KHDRBS2: variants seen among roughly 807,000 people sequenced by gnomAD.
The protein encoded by KHDRBS2 is KH RNA binding domain containing, signal transduction associated 2, also known as KH domain-containing, RNA-binding, signal transduction-associated protein 2.
In KHDRBS2, 26 loss-of-function variants were observed where a neutral mutation model predicts 44.3. The observed-to-expected ratio is 0.59, with a 90% CI of 0.43 to 0.81. KHDRBS2 has a LOEUF of 0.81. Ranked by LOEUF, KHDRBS2 falls within the 40% of genes least tolerant of loss-of-function variation. The probability of loss-of-function intolerance (pLI) is 0.00; values close to 1 mark genes in which losing one functional copy is unlikely to be tolerated. For missense variants in KHDRBS2, 476 were observed against 433.1 expected, an observed-to-expected ratio of 1.10 and a Z score of -0.88; for synonymous variants, 194 against 151.1, an observed-to-expected ratio of 1.28 and a Z score of -2.08.
the KHDRBS2 span, among the ~76,000 whole-genome samples, chr6:61,603,100 C>T: frequency 6.6e-6 from 1 of 152,150 alleles, no homozygotes; most frequent in Admixed American, 6.5e-5. Context: ...AATATCCCAT[C>T]CCACAGCATG....
the KHDRBS2 span, among the ~76,000 whole-genome samples, chr6:61,662,655 A>G: frequency 1.3e-5 from 2 of 152,072 alleles, no homozygotes; most frequent in Admixed American, 6.6e-5. Context: ...AAAAATGCTC[A>G]TCATCACTGG....
chr6:62,088,483 G>C (rs962279204), intron 2 of KHDRBS2, among the ~76,000 whole-genome samples: 1 of 152,166 alleles, frequency 6.6e-6, no homozygotes, highest in African/African-American at 2.4e-5. Context: ...GCTGGAGTTT[G>C]CTGGGGGTCC....
chr6:61,637,997 G>C, the KHDRBS2 span, among the ~76,000 whole-genome samples: 1 of 152,038 alleles, frequency 6.6e-6, no homozygotes, highest in Non-Finnish European at 1.5e-5. Context: ...TGTTCACTCT[G>C]ATGGTAGTTT....
chr6:61,862,704 C>A (rs1386385286), intron 6 of KHDRBS2, among the ~76,000 whole-genome samples: 1 of 151,984 alleles, frequency 6.6e-6, no homozygotes, highest in Non-Finnish European at 1.5e-5. Flanking sequence ...TTTTGATATA[C>A]CGCTGAATTC....
the KHDRBS2 span, among the ~76,000 whole-genome samples, chr6:61,599,487 T>A: frequency 0.62 from 93,538 of 151,916 alleles, 29,037 homozygotes; most frequent in Middle Eastern, 0.65. Flanking sequence ...TTCTCAAAAA[T>A]TCACTCCAAG....
the KHDRBS2 span, among the ~76,000 whole-genome samples, chr6:61,584,945 A>T: frequency 1.3e-5 from 2 of 151,940 alleles, no homozygotes; most frequent in African/African-American, 2.4e-5. Flanking sequence ...TTTCTTTTTC[A>T]TATTGACACT....
the KHDRBS2 span, among the ~76,000 whole-genome samples, chr6:61,619,798 C>A: frequency 6.6e-6 from 1 of 152,000 alleles, no homozygotes; most frequent in Non-Finnish European, 1.5e-5. Context: ...TGTGTATATA[C>A]CACGCTTTCT....
chr6:62,172,027 G>C (rs1242537768), intron 2 of KHDRBS2, among the ~76,000 whole-genome samples: 3 of 152,102 alleles, frequency 2.0e-5, no homozygotes, highest in Non-Finnish European at 4.4e-5. Context: ...AATCAAGTCT[G>C]CATAATAACT....
intron 2 of KHDRBS2, among the ~76,000 whole-genome samples, chr6:62,115,409 T>C (rs563111480): frequency 2.0e-5 from 3 of 152,298 alleles, no homozygotes; most frequent in South Asian, 4.1e-4. Context: ...AAAAAATATT[T>C]ATTGACTTCA....
chr6:61,873,021 A>T (rs1342014746), intron 6 of KHDRBS2, among the ~76,000 whole-genome samples: 1 of 152,128 alleles, frequency 6.6e-6, no homozygotes, highest in Non-Finnish European at 1.5e-5. Flanking sequence ...CATGTGTAAA[A>T]TCTGTTCCTG....
chr6:61,891,495 T>G (rs1233451406), intron 6 of KHDRBS2, among the ~76,000 whole-genome samples: 1 of 152,104 alleles, frequency 6.6e-6, no homozygotes, highest in East Asian at 1.9e-4. Context: ...CTGGAATAGT[T>G]TCAGAAGGAA....
At chr6:61,897,483 T>C (rs183260199) in intron 5 of KHDRBS2, among the ~76,000 whole-genome samples, 1 of 152,270 alleles carries the variant, frequency 6.6e-6, no homozygotes, top group East Asian at 1.9e-4. Context: ...TCACCTACTC[T>C]TAGTTAATGA....
At chr6:61,835,233 T>C (rs1792460607) in intron 6 of KHDRBS2, among the ~76,000 whole-genome samples, 1 of 152,086 alleles carries the variant, frequency 6.6e-6, no homozygotes, top group Non-Finnish European at 1.5e-5. Context: ...TTCAGACTAG[T>C]ATCAGTTGAA....
rs145266447 is a variant in KHDRBS2, at chr6:61,896,916, A to C, written c.612-2083T>G. Reference sequence around the variant, plus strand: ...TATTATCTGGAAAATGTTTCTTTGGACTTTTATGACTCTGCTTTTCTCTAC... The same window carrying C: ...TATTATCTGGAAAATGTTTCTTTGGCCTTTTATGACTCTGCTTTTCTCTAC... On this transcript the variant is annotated intron_variant, in intron 5 of 8. Coordinates refer to ENST00000281156, the MANE Select transcript of KHDRBS2 (RefSeq NM_152688.4). Among the ~76,000 whole-genome samples the C allele has an allele frequency of 2.8e-3, 433 of 152,140 alleles. 2 individuals are homozygous for C. The highest frequency in any genetic ancestry group is 9.7e-3 in the African/African-American group (402 of 41,514).
intron 1 of KHDRBS2, among the ~76,000 whole-genome samples, chr6:62,200,772 G>A (rs1350344446): frequency 2.0e-5 from 3 of 152,024 alleles, no homozygotes; most frequent in African/African-American, 4.8e-5. Flanking sequence ...GCTGCTATAA[G>A]GACACATGCA....
chr6:61,996,863 A>C lies in KHDRBS2; in HGVS notation c.337-18651T>G, dbSNP rs907786572. On this transcript the variant is annotated intron_variant, in intron 3 of 8. Coordinates refer to ENST00000281156, the MANE Select transcript of KHDRBS2 (RefSeq NM_152688.4). ...CAGTGGCATGATCTCGGCTCACTGC[A>C]ACCTCTGCGCCCGAGTTTAAGCAAT... is the stretch of plus-strand genomic sequence containing the variant. Among the ~76,000 whole-genome samples, 6 of 131,438 alleles carry C rather than the reference A, an allele frequency of 4.6e-5. No homozygotes were observed. In the South Asian group the frequency reaches 9.5e-4, roughly 21 times the overall value. 86.2% of individuals were successfully genotyped at this position (131,438 alleles called of 152,430 possible).
chr6:62,232,683 C>A (rs1833073722), intron 1 of KHDRBS2, among the ~76,000 whole-genome samples: 1 of 152,114 alleles, frequency 6.6e-6, no homozygotes, highest in African/African-American at 2.4e-5. Flanking sequence ...TACGTATAGC[C>A]AGGTAAACAG....
chr6:61,954,980 A>ATG (rs1259455593), intron 4 of KHDRBS2, among the ~76,000 whole-genome samples: 1 of 65,390 alleles, frequency 1.5e-5, no homozygotes, highest in African/African-American at 8.3e-5. Flanking sequence ...ATACATATGT[A>ATG]TGTGTATACA....
chr6:61,808,511 T>A (rs1393467044), intron 6 of KHDRBS2, among the ~76,000 whole-genome samples: 2 of 152,140 alleles, frequency 1.3e-5, no homozygotes, highest in African/African-American at 4.8e-5. Flanking sequence ...GAAGTATTGA[T>A]CAAGGGTAAA....
Sources: allele counts gnomAD v4.1 joint callset (sites outside exome capture counted in the v4.1 genomes callset), GRCh38; gene constraint gnomAD v4.1.1; transcripts MANE v1.5; gene names NCBI Gene and HGNC (gene_info 2026-07-23, HGNC 2026-07-21).